Variants in TTI1 observed in about 807,000 individuals in gnomAD.
TTI1 encodes TELO2 interacting protein 1.
Under a neutral mutation model 85.4 loss-of-function variants are expected in TTI1, and 52 were observed. The observed-to-expected ratio is 0.61, with a 90% CI of 0.49 to 0.77. The LOEUF (loss-of-function observed/expected upper bound fraction) is 0.77. Among genes scored for constraint, TTI1 ranks in the 30% least tolerant of loss-of-function variants. The pLI, the probability that TTI1 is intolerant of heterozygous loss-of-function variation, is 0.00. For synonymous variants in TTI1, 512 were observed against 503.9 expected (o/e 1.02, Z -0.22); for missense variants, 1,173 against 1,296.0 (o/e 0.91, Z 1.46).
chr20:38,011,403 T>G, intron 2 of TTI1, 112 bp downstream of exon 2: 2 of 1,232,306 alleles, frequency 1.6e-6, no homozygotes, highest in Non-Finnish European at 2.2e-6. Context: ...AGAAAATGAT[T>G]AAAACGTCCT....
rs774778255 is a variant in TTI1 at position 38,013,225 on chromosome 20, C to T, written c.592G>A (p.Glu198Lys). The change falls in exon 2 of 8, where the codon GAA (glutamate) becomes AAA (lysine). Residue 198 changes from glutamate (E) to lysine (K), a missense_variant. Physicochemically the swap from Glu to Lys is moderately conservative, Grantham distance 56. Coordinates refer to ENST00000373447, the MANE Select transcript of TTI1 (RefSeq NM_001303457.2). ...AACAAATCCCCCAGCTGCTTTTGTT[C>T]AAGTTCATCCAATGACCTTGGATGG... ...QDHPRSLDEL[E>K]QKQLGDLFAS... 10 of 1,614,096 alleles carry T rather than the reference C, an allele frequency of 6.2e-6. No individual in the cohort carries two copies. The East Asian group carries it at 1.8e-4, about 29-fold the overall frequency.
rs1161114864 is a variant in TTI1 at position 38,013,755 on chromosome 20, A to G, written c.62T>C (p.Leu21Pro). The G allele has an allele frequency of 6.2e-7, 1 of 1,614,126 alleles. No homozygotes were observed. Among genetic ancestry groups the G allele is most frequent in the Non-Finnish European group, 8.5e-7 (1 of 1,180,036 alleles). Reference sequence around the variant, plus strand: ...ATTCTCCACTGTCTGGGTCTTTGTGAGCTGAACACAGACTGGACGTAAGAC... The same window carrying G: ...ATTCTCCACTGTCTGGGTCTTTGTGGGCTGAACACAGACTGGACGTAAGAC... ...FGVLRPVCVQLTKTQTVENVE... is the reference protein window; with the variant it reads ...FGVLRPVCVQPTKTQTVENVE... Residue 21 changes from leucine (L) to proline (P), a missense_variant, in exon 2 of 8, where the codon CTC (leucine) becomes CCC (proline). Coordinates refer to ENST00000373447, the MANE Select transcript of TTI1 (RefSeq NM_001303457.2).
intron 1 of TTI1, among the ~76,000 whole-genome samples, chr20:38,030,686 C>A (rs2073895425): frequency 6.6e-6 from 1 of 152,134 alleles, no homozygotes; most frequent in Non-Finnish European, 1.5e-5. Flanking sequence ...ATCATATCAT[C>A]CTCACCTTTC....
chr20:38,024,941 C>A (rs1280905644), intron 1 of TTI1, among the ~76,000 whole-genome samples: 1 of 152,174 alleles, frequency 6.6e-6, no homozygotes. Context: ...CACCTCCACT[C>A]CAATGTCAGT....
chr20:37,984,777 A>G (rs1184257817), intron 7 of TTI1, among the ~76,000 whole-genome samples: 1 of 152,180 alleles, frequency 6.6e-6, no homozygotes, highest in Non-Finnish European at 1.5e-5. Flanking sequence ...AAGCTCCCCA[A>G]GGGCAGGGAC....
intron 7 of TTI1, among the ~76,000 whole-genome samples, chr20:37,986,312 T>C (rs551752352): frequency 6.6e-6 from 1 of 152,388 alleles, no homozygotes; most frequent in East Asian, 1.9e-4. Flanking sequence ...AATGCTGCAA[T>C]GTTCATTTTC....
rs1362222231 is a variant in TTI1 at position 38,002,972 on chromosome 20, A to AT, written c.2504-197dup. On this transcript the variant is annotated intron_variant, in intron 3 of 7. Transcript: ENST00000373447. ...TATAATGGCATTTTATGAGGTCCCT[A>AT]TTTTTTTTAGGCACAGGGCCTTGCT... is the stretch of plus-strand genomic sequence containing the variant. 2.0e-5 allele frequency among the ~76,000 whole-genome samples: 3 copies of AT among 151,978 alleles called. No individual in the cohort carries two copies. The South Asian group carries it at 6.2e-4, about 32-fold the overall frequency.
intron 7 of TTI1, among the ~76,000 whole-genome samples, chr20:37,992,334 G>C: frequency 6.6e-6 from 1 of 151,966 alleles, no homozygotes; most frequent in East Asian, 1.9e-4. Context: ...GGAGTGCAGT[G>C]GTGTGATCAC....
intron 7 of TTI1, among the ~76,000 whole-genome samples, chr20:37,991,974 T>C (rs1310155864): frequency 6.6e-6 from 1 of 152,246 alleles, no homozygotes. Flanking sequence ...CAAGGTCACA[T>C]GGCCAGTAAG....
Position 37,996,267 on chromosome 20 carries a change from C to A in TTI1, c.3086+108G>T, listed in dbSNP as rs1018676691. 4 of 1,129,278 alleles carry A rather than the reference C, an allele frequency of 3.5e-6. No individual in the cohort carries two copies. The African/African-American group carries it at 4.6e-5, about 13-fold the overall frequency. The allele number at this position is 1,129,278 out of a possible 1,614,324, so 70.0% of individuals were successfully genotyped here. ...CAGTTAAAGAATTATCTTAACCTGG[C>A]AGGGTGACAGAGAAAAGAGCAGAGA... On this transcript the variant is annotated intron_variant, in intron 7 of 7. Coordinates refer to ENST00000373447, the MANE Select transcript of TTI1 (RefSeq NM_001303457.2).
At chr20:38,027,452 C>T (rs1054656227) in intron 1 of TTI1, among the ~76,000 whole-genome samples, 2 of 152,022 alleles carry the variant, frequency 1.3e-5, no homozygotes, top group African/African-American at 2.4e-5. Context: ...CCAACCCCCT[C>T]GAGCAGTCAA....
In TTI1 at chr20:38,005,397, C is replaced by T. The variant is rs1369331149; in HGVS notation, c.2503+800G>A. On this transcript the variant is annotated intron_variant, in intron 3 of 7. Coordinates refer to ENST00000373447, the MANE Select transcript of TTI1 (RefSeq NM_001303457.2). ...GCCAGAGCTTCAACTAGCCTGAACTCCCTTCTTCTTTATCATATAAATTGG... is the reference window on the plus strand; with the variant it reads ...GCCAGAGCTTCAACTAGCCTGAACTTCCTTCTTCTTTATCATATAAATTGG... 2.0e-5 allele frequency among the ~76,000 whole-genome samples: 3 copies of T among 152,076 alleles called. No individual in the cohort carries two copies. The South Asian group carries it at 6.2e-4, about 32-fold the overall frequency.
At chr20:38,022,267 C>A (rs1209549139) in intron 1 of TTI1, among the ~76,000 whole-genome samples, 1 of 152,210 alleles carries the variant, frequency 6.6e-6, no homozygotes, top group African/African-American at 2.4e-5. Context: ...CAGGGCTTTG[C>A]TCAAGTGACG....
At chr20:38,022,426 G>T (rs2122636143) in intron 1 of TTI1, among the ~76,000 whole-genome samples, 1 of 152,192 alleles carries the variant, frequency 6.6e-6, no homozygotes, top group East Asian at 1.9e-4. Flanking sequence ...CCTTTCACTA[G>T]AATACTAGAA....
At chr20:38,031,170 T>G (rs1193534330) in intron 1 of TTI1, among the ~76,000 whole-genome samples, 2 of 152,230 alleles carry the variant, frequency 1.3e-5, no homozygotes, top group Non-Finnish European at 2.9e-5. Context: ...TTTGCACTCT[T>G]ACTGTCTTAT....
At chr20:38,009,311 T>G (rs368386746) in intron 2 of TTI1, among the ~76,000 whole-genome samples, 2 of 152,218 alleles carry the variant, frequency 1.3e-5, no homozygotes, top group East Asian at 3.9e-4. Flanking sequence ...CCCCAGTGAC[T>G]AGCCCACTAC....
chr20:38,010,236 C>T (rs755659229), intron 2 of TTI1, among the ~76,000 whole-genome samples: 1 of 152,188 alleles, frequency 6.6e-6, no homozygotes, highest in African/African-American at 2.4e-5. Context: ...CCCCAGTTAC[C>T]TTCCATGAGA....
chr20:38,032,574 G>A (rs1156499478), intron 1 of TTI1, among the ~76,000 whole-genome samples: 1 of 152,216 alleles, frequency 6.6e-6, no homozygotes, highest in African/African-American at 2.4e-5. Flanking sequence ...TCAAGGTTTA[G>A]AGTCTCAGAT....
chr20:38,026,013 T>C (rs557645168), intron 1 of TTI1, among the ~76,000 whole-genome samples: 2 of 152,186 alleles, frequency 1.3e-5, no homozygotes, highest in Non-Finnish European at 2.9e-5. Context: ...CGCCACAAAG[T>C]TGGCAAAGAC....
Sources: allele counts gnomAD v4.1 joint callset (sites outside exome capture counted in the v4.1 genomes callset), GRCh38; gene constraint gnomAD v4.1.1; transcripts MANE v1.5; gene names NCBI Gene and HGNC (gene_info 2026-07-23, HGNC 2026-07-21).